RNF216: variants seen among roughly 807,000 people sequenced by gnomAD.
RNF216 encodes ring finger protein 216.
Under a neutral mutation model 110.8 loss-of-function variants are expected in RNF216, and 72 were observed. The ratio of observed to expected loss-of-function variants is 0.65; its 90% CI spans 0.54 to 0.79. The LOEUF (loss-of-function observed/expected upper bound fraction) is 0.79. Ranked by LOEUF, RNF216 falls within the 30% of genes least tolerant of loss-of-function variation. The pLI is 0.00. For synonymous variants in RNF216, 495 were observed against 407.5 expected (o/e 1.21, Z -2.59); for missense variants, 1,342 against 1,141.2 (o/e 1.18, Z -2.54).
chr7:5,717,473 T>G (rs1793137578), intron 9 of RNF216, among the ~76,000 whole-genome samples: 1 of 152,176 alleles, frequency 6.6e-6, no homozygotes, highest in African/African-American at 2.4e-5. Context: ...ACCACACTGG[T>G]GGGGCACTGG....
At chr7:5,650,717 A>C (rs1194715581) in intron 14 of RNF216, among the ~76,000 whole-genome samples, 1 of 152,024 alleles carries the variant, frequency 6.6e-6, no homozygotes, top group South Asian at 2.1e-4. Flanking sequence ...TCTTCGTCCC[A>C]CACTAAGGAC....
At chr7:5,711,025 CTTAAT>C (rs1013665257) in intron 13 of RNF216, among the ~76,000 whole-genome samples, 3 of 152,114 alleles carry the variant, frequency 2.0e-5, no homozygotes, top group African/African-American at 7.2e-5. Flanking sequence ...TAATCTCTAC[CTTAAT>C]TTCTTTACTC....
intron 13 of RNF216, among the ~76,000 whole-genome samples, chr7:5,683,493 T>G (rs1329301957): frequency 2.0e-5 from 3 of 152,134 alleles, no homozygotes; most frequent in Non-Finnish European, 4.4e-5. Context: ...CCATCCTCCA[T>G]GTGGAGAGAC....
At chr7:5,626,207 T>C (rs1046661043) in intron 15 of RNF216, among the ~76,000 whole-genome samples, 11 of 152,142 alleles carry the variant, frequency 7.2e-5, no homozygotes, top group African/African-American at 1.9e-4. Flanking sequence ...CTAGCCTCTT[T>C]GTGAACACTC....
rs568914110 is a variant in RNF216, at chr7:5,749,689, G to A, written c.201+3157C>T. 2.6e-5 allele frequency among the ~76,000 whole-genome samples: 4 copies of A among 152,292 alleles called. No individual in the cohort carries two copies. The South Asian group carries it at 8.3e-4, about 32-fold the overall frequency. On this transcript the variant is annotated intron_variant, in intron 3 of 16. Coordinates refer to ENST00000389902, the MANE Select transcript of RNF216 (RefSeq NM_207111.4). Reference sequence around the variant, plus strand: ...CTTTGCAAGCAATTATAATCCTAAAGTGCTGTGTGTTCAAAGATGTATATG... The same window carrying A: ...CTTTGCAAGCAATTATAATCCTAAAATGCTGTGTGTTCAAAGATGTATATG...
rs1790593570 is a variant in RNF216, at chr7:5,680,677, C to T, written c.2062-28167G>A. 1.3e-5 allele frequency among the ~76,000 whole-genome samples: 2 copies of T among 152,100 alleles called. No individual in the cohort carries two copies. Among genetic ancestry groups the T allele is most frequent in the Admixed American group, 6.5e-5 (1 of 15,268 alleles). ...TCGGCCTCCCAAAGTGCTGGGATTA[C>T]AGGTGTGAGCCACCGCGCCCAGCAC... On this transcript the variant is annotated intron_variant, in intron 13 of 16. Transcript: ENST00000389902. The surrounding 1 kb of genome is among the most constrained non-coding windows in gnomAD (Gnocchi z 4.3).
chr7:5,751,454 C>T (rs1196719995), intron 3 of RNF216, among the ~76,000 whole-genome samples: 1 of 152,118 alleles, frequency 6.6e-6, no homozygotes, highest in Non-Finnish European at 1.5e-5. Context: ...TACTACCAAA[C>T]CTAAACCTGG....
Position 5,622,347 on chromosome 7 carries a change from G to C in RNF216, c.*513C>G, listed in dbSNP as rs1786421371. The C allele has an allele frequency of 6.4e-6, 1 of 155,164 alleles. No individual in the cohort carries two copies. The highest frequency in any genetic ancestry group is 2.4e-5 in the African/African-American group (1 of 41,546). 9.6% of individuals were successfully genotyped at this position (155,164 alleles called of 1,614,324 possible). ...GCAGTGGCGCACGGGTTTTGGATGG[G>C]GGGACAGCATCTTGGCCCTCACAGC... On this transcript the variant is annotated 3_prime_UTR_variant, in exon 17 of 17. Transcript: ENST00000389902.
Position 5,716,731 on chromosome 7 carries a change from T to C in RNF216, c.1680A>G (p.Glu560=). 6.2e-7 allele frequency: 1 copy of C among 1,602,168 alleles called. No individual in the cohort carries two copies. ...TTCAAACTACCTTTTGATACTGTTC[T>C]TCATTCATCTGTAGGGCAAGCAAAA... The part of the protein sequence containing the change: ...EDFLLALQMN[E]EQYQKDGQLI... Residue 560 remains glutamate, a synonymous_variant, in exon 10 of 17, where the codon GAA becomes GAG. Coordinates refer to ENST00000389902, the MANE Select transcript of RNF216 (RefSeq NM_207111.4).
intron 13 of RNF216, among the ~76,000 whole-genome samples, chr7:5,670,374 C>G (rs968688604): frequency 2.0e-5 from 3 of 152,164 alleles, no homozygotes; most frequent in African/African-American, 7.2e-5. Flanking sequence ...TGATAGTGGG[C>G]TCCTCTGATG....
At chr7:5,641,571 C>T (rs916784759) in intron 14 of RNF216, among the ~76,000 whole-genome samples, 195 bp from the exon 15 acceptor site, 1 of 152,126 alleles carries the variant, frequency 6.6e-6, no homozygotes, top group South Asian at 2.1e-4. Flanking sequence ...CAGTAAATTA[C>T]TCACCTGCCT....
chr7:5,629,845 A>AT (rs1786958433), intron 15 of RNF216, among the ~76,000 whole-genome samples: 1 of 151,572 alleles, frequency 6.6e-6, no homozygotes, highest in Non-Finnish European at 1.5e-5. Context: ...AAAAAAAAAA[A>AT]AAAAGAGGGA....
chr7:5,741,042 C>T lies in RNF216; in HGVS notation c.975G>A (p.Leu325=), dbSNP rs371573304. 6.2e-7 allele frequency: 1 copy of T among 1,613,914 alleles called. No homozygotes were observed. Among genetic ancestry groups the T allele is most frequent in the African/African-American group, 1.3e-5 (1 of 74,906 alleles). ...CAGCTTCTTGCCCCCAAATGTTTTC[C>T]AAATTGGGCTCTTGAGATTCTTGCA... ...FPMQESQEPN[L]ENIWGQEAAE... Residue 325 remains leucine, a synonymous_variant, in exon 4 of 17, where the codon TTG becomes TTA. Coordinates refer to ENST00000389902, the MANE Select transcript of RNF216 (RefSeq NM_207111.4).
chr7:5,742,983 C>G (rs933149978), intron 3 of RNF216, among the ~76,000 whole-genome samples: 1 of 152,196 alleles, frequency 6.6e-6, no homozygotes, highest in Middle Eastern at 3.4e-3. Context: ...AAAACGTAGG[C>G]CAGGCGTGGT....
intron 8 of RNF216, among the ~76,000 whole-genome samples, chr7:5,722,958 C>A (rs534892997): frequency 6.6e-6 from 1 of 152,022 alleles, no homozygotes; most frequent in South Asian, 2.1e-4. Context: ...TTAAAAAAAA[C>A]AACAGCAACA....
chr7:5,780,495 G>C (rs948313143), intron 1 of RNF216, among the ~76,000 whole-genome samples: 2 of 152,148 alleles, frequency 1.3e-5, no homozygotes, highest in Non-Finnish European at 2.9e-5. Flanking sequence ...TCAGACGTTA[G>C]AGACCAGCCT....
chr7:5,676,026 T>A (rs1790267068), intron 13 of RNF216, among the ~76,000 whole-genome samples: 1 of 150,784 alleles, frequency 6.6e-6, no homozygotes, highest in South Asian at 2.1e-4. Context: ...TTTTTCTTTT[T>A]TTTTTTGAGA....
intron 1 of RNF216, among the ~76,000 whole-genome samples, chr7:5,764,098 G>A (rs1429614319): frequency 6.6e-6 from 1 of 151,670 alleles, no homozygotes; most frequent in Non-Finnish European, 1.5e-5. Context: ...GGCTGAGGCA[G>A]GAGAATTGCT....
intron 12 of RNF216, 51 bp downstream of exon 12, chr7:5,712,664 T>G (rs775083282): frequency 6.3e-7 from 1 of 1,597,926 alleles, no homozygotes; most frequent in Non-Finnish European, 8.6e-7. Flanking sequence ...CCCAGGTAGT[T>G]TTCACAATGG....
Sources: gnomAD v4.1 joint callset for allele counts (sites outside exome capture counted in the v4.1 genomes callset) on GRCh38, gnomAD v4.1.1 for gene constraint, Gnocchi (gnomAD v3.1) non-coding constraint, MANE v1.5 for transcripts, NCBI Gene and HGNC (gene_info 2026-07-23, HGNC 2026-07-21) for gene names.